CNTN5: variants seen among roughly 807,000 people sequenced by gnomAD.
CNTN5 encodes contactin 5.
CNTN5 carries 77 observed loss-of-function variants against 129.1 expected under a neutral mutation model. The observed-to-expected ratio is 0.60, with a 90% confidence interval of 0.50 to 0.72. The LOEUF is 0.72. Ranked by LOEUF, CNTN5 falls within the 30% of genes least tolerant of loss-of-function variation. The pLI is 0.00. For missense variants in CNTN5, 1,478 were observed against 1,328.8 expected, an observed-to-expected ratio of 1.11 and a Z score of -1.75; for synonymous variants, 509 against 465.6, an observed-to-expected ratio of 1.09 and a Z score of -1.20.
At chr11:99,446,324 T>C (rs182468924) in intron 2 of CNTN5, among the ~76,000 whole-genome samples, 41 of 152,262 alleles carry the variant, frequency 2.7e-4, no homozygotes, top group African/African-American at 9.9e-4. Flanking sequence ...TTGGAGAATG[T>C]GCTATTGATC....
At chr11:99,592,870 A>T (rs1950020639) in intron 3 of CNTN5, among the ~76,000 whole-genome samples, 1 of 152,154 alleles carries the variant, frequency 6.6e-6, no homozygotes. Context: ...TGGGTTGGAC[A>T]AGCATGGTAA....
chr11:99,922,717 A>G (rs969164791), intron 7 of CNTN5, among the ~76,000 whole-genome samples: 7 of 152,178 alleles, frequency 4.6e-5, no homozygotes, highest in African/African-American at 1.4e-4. Context: ...TATTATTTTT[A>G]TCTTTCCAAG....
At chr11:99,358,129 C>T (rs1171441942) in intron 2 of CNTN5, among the ~76,000 whole-genome samples, 1 of 142,284 alleles carries the variant, frequency 7.0e-6, no homozygotes, top group Non-Finnish European at 1.5e-5. Flanking sequence ...CGCTCTGTCG[C>T]CCAGGCTGGA....
intron 3 of CNTN5, among the ~76,000 whole-genome samples, chr11:99,717,863 C>T (rs1301522052): frequency 6.6e-6 from 1 of 151,974 alleles, no homozygotes; most frequent in Non-Finnish European, 1.5e-5. Flanking sequence ...CAATTAAAAC[C>T]TTATTATTCA....
At chr11:100,073,895 ACATGT>A (rs1469669115) in intron 12 of CNTN5, among the ~76,000 whole-genome samples, 4 of 152,110 alleles carry the variant, frequency 2.6e-5, no homozygotes, top group Non-Finnish European at 4.4e-5. Context: ...CATAATTAGA[ACATGT>A]CATTTTTTGA....
intron 3 of CNTN5, among the ~76,000 whole-genome samples, chr11:99,600,839 T>A (rs955807707): frequency 2.3e-4 from 35 of 152,184 alleles, no homozygotes; most frequent in Admixed American, 6.6e-4. Context: ...ACACATAGGA[T>A]GACATTTTCA....
intron 1 of CNTN5, among the ~76,000 whole-genome samples, chr11:99,109,953 T>A (rs1381029831): frequency 6.6e-6 from 1 of 152,142 alleles, no homozygotes; most frequent in Non-Finnish European, 1.5e-5. Context: ...ATGTTTATCA[T>A]GATAAGTGCT....
At chr11:99,394,705 C>T (rs1165953489) in intron 2 of CNTN5, among the ~76,000 whole-genome samples, 1 of 151,522 alleles carries the variant, frequency 6.6e-6, no homozygotes, top group African/African-American at 2.4e-5. Flanking sequence ...CACCCTTCAT[C>T]CTCTGAAAGG....
intron 3 of CNTN5, among the ~76,000 whole-genome samples, chr11:99,655,771 CACACACAT>C (rs1952334179): frequency 1.3e-5 from 2 of 151,936 alleles, no homozygotes; most frequent in Admixed American, 6.6e-5. Context: ...ACACACATAT[CACACACAT>C]ACACACATAG....
At chr11:99,589,130 C>G (rs1949899171) in intron 3 of CNTN5, among the ~76,000 whole-genome samples, 4 of 152,126 alleles carry the variant, frequency 2.6e-5, no homozygotes, top group Admixed American at 2.6e-4. Context: ...CAAACACTGT[C>G]ATAATACAAG....
intron 16 of CNTN5, among the ~76,000 whole-genome samples, chr11:100,239,862 A>G (rs1949699777): frequency 6.6e-6 from 1 of 152,204 alleles, no homozygotes; most frequent in Middle Eastern, 3.2e-3. Flanking sequence ...GTTAATTTAA[A>G]TGTTCATTAA....
chr11:100,282,245 T>C (rs896560900), intron 18 of CNTN5, among the ~76,000 whole-genome samples: 2 of 152,174 alleles, frequency 1.3e-5, no homozygotes, highest in Non-Finnish European at 2.9e-5. Context: ...TGGGCAGGCT[T>C]TTCCAGGTAT....
At chr11:99,924,019 T>C (rs932715231) in intron 7 of CNTN5, among the ~76,000 whole-genome samples, 2 of 152,170 alleles carry the variant, frequency 1.3e-5, no homozygotes, top group African/African-American at 4.8e-5. Flanking sequence ...CTCAATCTCC[T>C]GACCTCATGG....
At chr11:99,729,484 G>T (rs1387038473) in intron 3 of CNTN5, among the ~76,000 whole-genome samples, 3 of 152,008 alleles carry the variant, frequency 2.0e-5, no homozygotes, top group Non-Finnish European at 2.9e-5. Flanking sequence ...AGTGTCTGTT[G>T]TTCCCTTCTT....
chr11:99,526,942 G>A (rs986658651), intron 2 of CNTN5, among the ~76,000 whole-genome samples: 2 of 145,310 alleles, frequency 1.4e-5, no homozygotes, highest in Non-Finnish European at 3.1e-5. Context: ...TTCCACAGTC[G>A]GGTTTGATTG....
chr11:100,144,348 T>C (rs1032547478), intron 13 of CNTN5, among the ~76,000 whole-genome samples: 1 of 152,132 alleles, frequency 6.6e-6, no homozygotes, highest in African/African-American at 2.4e-5. Flanking sequence ...ACCCCATAGG[T>C]AGTTTTTCAA....
At chr11:99,559,531 A>G (rs1011135667) in intron 3 of CNTN5, among the ~76,000 whole-genome samples, 6 of 152,196 alleles carry the variant, frequency 3.9e-5, no homozygotes, top group African/African-American at 1.4e-4. Flanking sequence ...TAAAATCCAA[A>G]TAAATAAAAA....
At chr11:99,298,931 G>A (rs1037472097) in intron 1 of CNTN5, among the ~76,000 whole-genome samples, 2 of 152,074 alleles carry the variant, frequency 1.3e-5, no homozygotes, top group African/African-American at 4.8e-5. Context: ...TTTTCAGCCT[G>A]TGAAAAGCTC....
intron 1 of CNTN5, among the ~76,000 whole-genome samples, chr11:99,035,754 A>C (rs4495863): frequency 0.33 from 45,285 of 137,052 alleles, 8,069 homozygotes; most frequent in East Asian, 0.56. Context: ...TTAATTGGAG[A>C]ATTTAGTCCA....
Sources: gnomAD v4.1 joint callset for allele counts (sites outside exome capture counted in the v4.1 genomes callset) on GRCh38, gnomAD v4.1.1 for gene constraint, MANE v1.5 for transcripts, NCBI Gene and HGNC (gene_info 2026-07-23, HGNC 2026-07-21) for gene names.